CDK2: variants seen among roughly 807,000 people sequenced by gnomAD.
The protein encoded by CDK2 is cyclin dependent kinase 2, also known as cyclin-dependent kinase 2.
Under a neutral mutation model 35.0 loss-of-function variants are expected in CDK2, and 8 were observed. The ratio of observed to expected loss-of-function variants is 0.23; its 90% CI spans 0.13 to 0.41. The LOEUF is 0.41. CDK2 is among the 10% of genes least tolerant of loss of function. The pLI, the probability that CDK2 is intolerant of heterozygous loss-of-function variation, is 1.00. For synonymous variants in CDK2, 134 were observed against 137.7 expected (o/e 0.97, Z 0.19); for missense variants, 201 against 367.1 (o/e 0.55, Z 3.70).
rs1173173530 is a variant in CDK2 at position 55,972,742 on chromosome 12, A to G, written c.*1117A>G. On this transcript the variant is annotated 3_prime_UTR_variant, in exon 7 of 7. Coordinates refer to ENST00000266970, the MANE Select transcript of CDK2 (RefSeq NM_001798.5). ...TGCTCTTGCTATTAACGTTATTTGT[A>G]ATTTAGTTTGTAGCTCATTAAAAAA... 1 of 150,396 alleles carries G rather than the reference A, an allele frequency of 6.6e-6. No individual in the cohort carries two copies. The highest frequency in any genetic ancestry group is 1.9e-4 in the East Asian group (1 of 5,140). 9.3% of individuals were successfully genotyped at this position (150,396 alleles called of 1,614,324 possible).
rs770551803 is a variant in CDK2, at chr12:55,966,977, A to G, written c.-32A>G. The stretch of plus-strand genomic sequence containing the variant: ...TGCAGGGTTCCCAGGCCCCCGCTCC[A>G]GGGCCGGGCTGACCCGACTCGCTGG... On this transcript the variant is annotated 5_prime_UTR_variant, in exon 1 of 7. Coordinates refer to ENST00000266970, the MANE Select transcript of CDK2 (RefSeq NM_001798.5). The G allele has an allele frequency of 6.4e-7, 1 of 1,555,564 alleles. No homozygotes were observed. The highest frequency in any genetic ancestry group is 1.1e-5 in the South Asian group (1 of 87,620).
chr12:55,969,457 C>T lies in CDK2; in HGVS notation c.487-18C>T, dbSNP rs1359899176. ...TACCCTATAAACCACCCCGCCCCTC[C>T]CTATTCCCGTCCCTCAGGTGGTGAC... On this transcript the variant is annotated intron_variant, in intron 4 of 6. Transcript: ENST00000266970. 4 of 1,482,024 alleles carry T rather than the reference C, an allele frequency of 2.7e-6. No homozygotes were observed. The highest frequency in any genetic ancestry group is 1.2e-5 in the South Asian group (1 of 86,480). The allele number at this position is 1,482,024 out of a possible 1,614,324, so 91.8% of individuals were successfully genotyped here.
chr12:55,966,892 G>C lies in CDK2; in HGVS notation c.-117G>C, dbSNP rs961070021. ...TATACTGCGTTCCATCCCGACCCGG[G>C]GCCACGGTACTGGGCCCTGTTTCCC... is the stretch of plus-strand genomic sequence containing the variant. On this transcript the variant is annotated 5_prime_UTR_variant, in exon 1 of 7. Coordinates refer to ENST00000266970, the MANE Select transcript of CDK2 (RefSeq NM_001798.5). 7.4e-6 allele frequency: 7 copies of C among 944,218 alleles called. No individual in the cohort carries two copies. The Middle Eastern group carries it at 9.5e-4, about 128-fold the overall frequency. The allele number at this position is 944,218 out of a possible 1,614,324, so 58.5% of individuals were successfully genotyped here.
In CDK2 at chr12:55,969,486, G is replaced by T; in HGVS notation, c.498G>T (p.Leu166=). The T allele has an allele frequency of 6.2e-7, 1 of 1,605,652 alleles. No individual in the cohort carries two copies. Among genetic ancestry groups the T allele is most frequent in the East Asian group, 2.3e-5 (1 of 44,308 alleles). The change falls in exon 5 of 7, where the codon CTG becomes CTT. Residue 166 remains leucine, a synonymous_variant. Coordinates refer to ENST00000266970, the MANE Select transcript of CDK2 (RefSeq NM_001798.5). The stretch of plus-strand genomic sequence containing the variant: ...TTCCCGTCCCTCAGGTGGTGACCCT[G>T]TGGTACCGAGCTCCTGAAATCCTCC... ...VRTYTHEVVT[L]WYRAPEILLG... is the part of the protein sequence containing the mutation.
chr12:55,970,368 CT>C (rs1889442102), intron 5 of CDK2, among the ~76,000 whole-genome samples: 1 of 150,032 alleles, frequency 6.7e-6, no homozygotes, highest in African/African-American at 2.4e-5. Context: ...CTGAAGGATC[CT>C]TGAAGCCTGG....
intron 4 of CDK2, 141 bp downstream of exon 4, chr12:55,969,089 TGCATG>T: frequency 1.6e-6 from 1 of 635,048 alleles, no homozygotes. Flanking sequence ...TCTTAGGGTA[TGCATG>T]GAATTCATAC....
In CDK2 at chr12:55,972,284, T is replaced by C. The variant is rs1013154765; in HGVS notation, c.*659T>C. ...AATCTGGGAGGCCCTGAGACAGGGATTGTGCTTCATTCCAATCTATTGCTT... is the reference window on the plus strand; with the variant it reads ...AATCTGGGAGGCCCTGAGACAGGGACTGTGCTTCATTCCAATCTATTGCTT... On this transcript the variant is annotated 3_prime_UTR_variant, in exon 7 of 7. Coordinates refer to ENST00000266970, the MANE Select transcript of CDK2 (RefSeq NM_001798.5). The C allele has an allele frequency of 3.3e-5, 5 of 152,192 alleles. No individual in the cohort carries two copies. The East Asian group carries it at 5.8e-4, about 18-fold the overall frequency. 9.4% of individuals were successfully genotyped at this position (152,192 alleles called of 1,614,324 possible).
At position 55,969,477 on chromosome 12, in the gene CDK2, G is replaced by A. The variant is rs1465386361; in HGVS notation, c.489G>A (p.Val163=). The A allele has an allele frequency of 1.9e-6, 3 of 1,595,134 alleles. No individual in the cohort carries two copies. The highest frequency in any genetic ancestry group is 2.6e-6 in the Non-Finnish European group (3 of 1,166,364). The change falls in exon 5 of 7, where the codon GTG becomes GTA. Residue 163 remains valine (V), a splice_region_variant and synonymous_variant. Coordinates refer to ENST00000266970, the MANE Select transcript of CDK2 (RefSeq NM_001798.5). ...GVPVRTYTHE[V]VTLWYRAPEI... ...CCCTCCCTATTCCCGTCCCTCAGGT[G>A]GTGACCCTGTGGTACCGAGCTCCTG...
intron 3 of CDK2, chr12:55,968,457 A>G (rs1889393289): frequency 6.2e-6 from 3 of 482,324 alleles, no homozygotes; most frequent in Non-Finnish European, 7.3e-6. Context: ...AAATTCCTCC[A>G]AAAAGCCCTT....
At chr12:55,970,980 T>C in intron 5 of CDK2, 64 bp from the exon 6 acceptor site, 1 of 1,411,862 alleles carries the variant, frequency 7.1e-7, no homozygotes, top group Non-Finnish European at 1.0e-6. Context: ...AACTCCTTTG[T>C]ATAGAGGAGA....
Position 55,969,521 on chromosome 12 carries a change from A to G in CDK2, c.533A>G (p.Lys178Arg). ...YRAPEILLGC[K>R]YYSTAVDIWS... is the part of the protein sequence containing the mutation. ...GCTCCTGAAATCCTCCTGGGCTGCA[A>G]ATATTATTCCACAGCTGTGGACATC... Residue 178 changes from lysine (K) to arginine (R), a missense_variant, in exon 5 of 7, where the codon AAA (lysine) becomes AGA (arginine). Coordinates refer to ENST00000266970, the MANE Select transcript of CDK2 (RefSeq NM_001798.5). The G allele has an allele frequency of 1.9e-6, 3 of 1,611,816 alleles. No individual in the cohort carries two copies. Among genetic ancestry groups the G allele is most frequent in the Non-Finnish European group, 2.5e-6 (3 of 1,178,888 alleles).
In CDK2 at chr12:55,972,636, C is replaced by T. The variant is rs1334161636; in HGVS notation, c.*1011C>T. On this transcript the variant is annotated 3_prime_UTR_variant, in exon 7 of 7. Transcript: ENST00000266970. ...GTGGGTGGATTTGTTGCCATGTGCACCTTGGGGTTTTGTAATGACAGTGCT... is the reference window on the plus strand; with the variant it reads ...GTGGGTGGATTTGTTGCCATGTGCATCTTGGGGTTTTGTAATGACAGTGCT... The T allele has an allele frequency of 7.2e-6, 1 of 139,406 alleles. No homozygotes were observed. The highest frequency in any genetic ancestry group is 1.5e-5 in the Non-Finnish European group (1 of 65,278). 8.6% of individuals were successfully genotyped at this position (139,406 alleles called of 1,614,324 possible).
intron 1 of CDK2, 197 bp from the exon 2 acceptor site, chr12:55,967,659 GA>G: frequency 1.7e-6 from 1 of 582,016 alleles, no homozygotes; most frequent in South Asian, 2.1e-5. Flanking sequence ...CCTGGGAAAA[GA>G]GGAGATAATG....
intron 6 of CDK2, 30 bp from the exon 7 acceptor site, chr12:55,971,491 A>G (rs755515123): frequency 6.6e-7 from 1 of 1,523,560 alleles, no homozygotes; most frequent in Non-Finnish European, 9.1e-7. Context: ...CTATCACATC[A>G]TTGAAGTCAA....
At chr12:55,968,649 G>T in intron 3 of CDK2, 129 bp from the exon 4 acceptor site, 1 of 691,578 alleles carries the variant, frequency 1.4e-6, no homozygotes, top group East Asian at 2.7e-5. Flanking sequence ...TCCATTGGGA[G>T]AAATAGCTTG....
In CDK2 at chr12:55,971,115, G is replaced by A. The variant is rs1016826838; in HGVS notation, c.660G>A (p.Gly220=). ...DQLFRIFRTL[G]TPDEVVWPGV... The stretch of plus-strand genomic sequence containing the variant: ...TCTTCCGGATCTTTCGGACTCTGGG[G>A]ACCCCAGATGAGGTGGTGTGGCCAG... Residue 220 remains glycine (G), a synonymous_variant, in exon 6 of 7, where the codon GGG becomes GGA. Transcript: ENST00000266970. The A allele has an allele frequency of 4.3e-6, 7 of 1,614,022 alleles. No individual in the cohort carries two copies. In the African/African-American group the frequency reaches 8.0e-5, roughly 18 times the overall value.
In CDK2 at chr12:55,966,850, T is replaced by G; in HGVS notation, c.-159T>G. The G allele has an allele frequency of 1.2e-6, 1 of 840,312 alleles. No homozygotes were observed. Among genetic ancestry groups the G allele is most frequent in the Non-Finnish European group, 1.8e-6 (1 of 568,078 alleles). 52.1% of individuals were successfully genotyped at this position (840,312 alleles called of 1,614,324 possible). On this transcript the variant is annotated 5_prime_UTR_variant, in exon 1 of 7. Coordinates refer to ENST00000266970, the MANE Select transcript of CDK2 (RefSeq NM_001798.5). ...GCAACATTGTTTCAAGTTGGCCAAA[T>G]TGACAAGAGCGAGAGGTATACTGCG... is the stretch of plus-strand genomic sequence containing the variant.
chr12:55,968,957 C>T lies in CDK2; in HGVS notation c.486+9C>T. ...GTACTTACACCCATGAGGTGAGTCCCTTTATGTCTTTTTTCTCTGAGCTTC... is the reference window on the plus strand; with the variant it reads ...GTACTTACACCCATGAGGTGAGTCCTTTTATGTCTTTTTTCTCTGAGCTTC... On this transcript the variant is annotated intron_variant, in intron 4 of 6. Coordinates refer to ENST00000266970, the MANE Select transcript of CDK2 (RefSeq NM_001798.5). 6.4e-7 allele frequency: 1 copy of T among 1,550,794 alleles called. No individual in the cohort carries two copies. The highest frequency in any genetic ancestry group is 1.2e-5 in the South Asian group (1 of 82,242).
intron 5 of CDK2, among the ~76,000 whole-genome samples, chr12:55,970,047 T>A (rs946430649): frequency 1.3e-5 from 2 of 151,922 alleles, no homozygotes; most frequent in African/African-American, 4.8e-5. Context: ...TTTGGGAGGC[T>A]GAGGTAGGTG....
Sources: allele counts gnomAD v4.1 joint callset (sites outside exome capture counted in the v4.1 genomes callset), GRCh38; gene constraint gnomAD v4.1.1; transcripts MANE v1.5; gene names NCBI Gene and HGNC (gene_info 2026-07-23, HGNC 2026-07-21).